Variants in NKAIN3 observed in about 807,000 individuals in gnomAD.
NKAIN3 encodes sodium/potassium-transporting ATPase subunit beta-1-interacting protein 3.
Under a neutral mutation model 30.2 loss-of-function variants are expected in NKAIN3, and 25 were observed. That is an observed-to-expected ratio of 0.83 (90% CI 0.60 to 1.16). The LOEUF (loss-of-function observed/expected upper bound fraction) is 1.16, where lower values mean the gene tolerates loss of function less well. Among genes scored for constraint, NKAIN3 ranks in the 50% most tolerant of loss-of-function variants. The pLI is 0.00. For synonymous variants in NKAIN3, 91 were observed against 89.6 expected, an observed-to-expected ratio of 1.02 and a Z score of -0.09; for missense variants, 225 against 254.1, an observed-to-expected ratio of 0.89 and a Z score of 0.78.
intron 1 of NKAIN3, among the ~76,000 whole-genome samples, chr8:62,503,635 C>A (rs907250681): frequency 2.6e-5 from 4 of 151,934 alleles, no homozygotes; most frequent in Non-Finnish European, 4.4e-5. Context: ...GACCTTCCCC[C>A]AGGAATGCAA....
intron 4 of NKAIN3, among the ~76,000 whole-genome samples, chr8:62,885,018 C>T (rs531814729): frequency 6.6e-6 from 1 of 151,908 alleles, no homozygotes; most frequent in African/African-American, 2.4e-5. Context: ...TTCTTTTCTT[C>T]TACTTACTTT....
intron 5 of NKAIN3, among the ~76,000 whole-genome samples, chr8:62,928,320 C>T (rs1450597542): frequency 6.6e-6 from 1 of 152,128 alleles, no homozygotes; most frequent in Non-Finnish European, 1.5e-5. Flanking sequence ...AGATCTTTCT[C>T]TTTCTCTCTC....
At position 62,863,053 on chromosome 8, in the gene NKAIN3, T is replaced by A. The variant is rs1586282472; in HGVS notation, c.472-55400T>A. 38 of 871,566 alleles carry A rather than the reference T, an allele frequency of 4.4e-5. 1 individual carries two copies. The East Asian group carries it at 1.0e-3, about 24-fold the overall frequency. 54.0% of individuals were successfully genotyped at this position (871,566 alleles called of 1,614,324 possible). A position where few individuals can be genotyped will look rare whatever the true frequency, so the allele number is the denominator to read the frequency against. On this transcript the variant is annotated intron_variant, in intron 4 of 6. Coordinates refer to ENST00000623646, the MANE Select transcript of NKAIN3 (RefSeq NM_001304533.3). ...AGGATGTGACTATGGAGACTCTAGG[T>A]GCTTTGATCCTCTGTATCATATATC...
intron 4 of NKAIN3, chr8:62,855,873 A>G (rs1820045561): frequency 1.3e-6 from 1 of 773,192 alleles, no homozygotes; most frequent in Non-Finnish European, 2.4e-6. Flanking sequence ...CTGTGGCACC[A>G]AAGCCACAAA....
At chr8:62,433,051 C>T (rs930222130) in intron 1 of NKAIN3, among the ~76,000 whole-genome samples, 1 of 152,234 alleles carries the variant, frequency 6.6e-6, no homozygotes, top group South Asian at 2.1e-4. Context: ...AATTACTTTG[C>T]CAAAGCATTT....
chr8:62,282,719 A>G (rs1298921055), intron 1 of NKAIN3, among the ~76,000 whole-genome samples: 2 of 152,108 alleles, frequency 1.3e-5, no homozygotes, highest in East Asian at 1.9e-4. Flanking sequence ...TTTTGTTTGT[A>G]TTTGCCTGTG....
chr8:62,809,040 C>G (rs965681695), intron 4 of NKAIN3, among the ~76,000 whole-genome samples: 6 of 152,064 alleles, frequency 3.9e-5, no homozygotes, highest in African/African-American at 1.4e-4. Flanking sequence ...CAGGGCTGTT[C>G]CTTGGTGAGA....
intron 1 of NKAIN3, among the ~76,000 whole-genome samples, chr8:62,370,770 A>T (rs1048261912): frequency 1.2e-4 from 18 of 152,000 alleles, no homozygotes; most frequent in Non-Finnish European, 1.6e-4. Context: ...AACTATGGGC[A>T]AGAATGTGGT....
chr8:62,693,267 A>G (rs892913913), intron 3 of NKAIN3, among the ~76,000 whole-genome samples: 7 of 152,230 alleles, frequency 4.6e-5, no homozygotes, highest in African/African-American at 1.4e-4. Context: ...ATATATAAGT[A>G]AAAAATTATT....
chr8:62,654,654 G>C (rs545498823), intron 3 of NKAIN3, among the ~76,000 whole-genome samples: 3 of 152,092 alleles, frequency 2.0e-5, no homozygotes, highest in African/African-American at 4.8e-5. Context: ...AATATTATTC[G>C]TTTAAAATAT....
intron 1 of NKAIN3, among the ~76,000 whole-genome samples, chr8:62,552,762 A>G (rs1216525104): frequency 6.6e-6 from 1 of 152,164 alleles, no homozygotes; most frequent in East Asian, 1.9e-4. Context: ...CTTTCATTAA[A>G]AACGCCACTT....
intron 1 of NKAIN3, among the ~76,000 whole-genome samples, chr8:62,392,423 A>T (rs1344234201): frequency 6.6e-6 from 1 of 152,038 alleles, no homozygotes; most frequent in East Asian, 1.9e-4. Flanking sequence ...AATTTAAATA[A>T]GTTTTATTAG....
rs542717857 is a variant in NKAIN3, at chr8:62,726,831, G to A, written c.274-20101G>A. The stretch of plus-strand genomic sequence containing the variant: ...TCTTTTAGAAGATAGAAGCAGTGAG[G>A]TTACTCCCTAAGTCATACTCTAAGA... On this transcript the variant is annotated intron_variant, in intron 3 of 6. Transcript: ENST00000623646. 2.6e-5 allele frequency among the ~76,000 whole-genome samples: 4 copies of A among 152,066 alleles called. No homozygotes were observed. In the South Asian group the frequency reaches 6.2e-4, roughly 24 times the overall value.
At position 62,662,324 on chromosome 8, in the gene NKAIN3, A is replaced by G. The variant is rs148701682; in HGVS notation, c.273+72530A>G. Among the ~76,000 whole-genome samples, 476 of 152,280 alleles carry G rather than the reference A, an allele frequency of 3.1e-3. 4 individuals carry two copies. The highest frequency in any genetic ancestry group is 0.01 in the Middle Eastern group (3 of 294). On this transcript the variant is annotated intron_variant, in intron 3 of 6. Transcript: ENST00000623646. ...ACCACCTCAACTCAGATTTTCTGTC[A>G]ACATTCTCATCGTGTTCATGGCTCC... is the stretch of plus-strand genomic sequence containing the variant.
intron 4 of NKAIN3, among the ~76,000 whole-genome samples, chr8:62,836,071 C>T (rs909065303): frequency 6.6e-6 from 1 of 151,794 alleles, no homozygotes; most frequent in African/African-American, 2.4e-5. Context: ...TTATCCTAAG[C>T]GAATTAAGAC....
At chr8:62,430,002 T>A (rs74874458) in intron 1 of NKAIN3, among the ~76,000 whole-genome samples, 4,751 of 151,892 alleles carry the variant, frequency 0.031, 281 homozygotes, top group African/African-American at 0.11. Context: ...CTTTCCATTC[T>A]CCCAACCTTT....
intron 4 of NKAIN3, among the ~76,000 whole-genome samples, chr8:62,876,513 C>T (rs1253357794): frequency 6.6e-6 from 1 of 152,074 alleles, no homozygotes; most frequent in African/African-American, 2.4e-5. Context: ...CACATGCACA[C>T]ATATGTTTAT....
chr8:62,756,133 A>G (rs1816445453), intron 4 of NKAIN3, among the ~76,000 whole-genome samples: 1 of 152,182 alleles, frequency 6.6e-6, no homozygotes, highest in African/African-American at 2.4e-5. Context: ...AAAGTGTACA[A>G]TTCAATAGCT....
chr8:62,713,870 T>C (rs116805619), intron 3 of NKAIN3, among the ~76,000 whole-genome samples: 6,249 of 152,244 alleles, frequency 0.041, 425 homozygotes, highest in African/African-American at 0.14. Flanking sequence ...TTGTAATGTA[T>C]TTGGAATTTG....
Sources: gnomAD v4.1 joint callset for allele counts (sites outside exome capture counted in the v4.1 genomes callset) on GRCh38, gnomAD v4.1.1 for gene constraint, MANE v1.5 for transcripts, NCBI Gene and HGNC (gene_info 2026-07-23, HGNC 2026-07-21) for gene names.